GPC6: variants seen among roughly 807,000 people sequenced by gnomAD.
GPC6 encodes the protein glypican 6.
Under a neutral mutation model 55.2 loss-of-function variants are expected in GPC6, and 14 were observed. The observed-to-expected ratio is 0.25, with a 90% CI of 0.17 to 0.40. GPC6 has a LOEUF of 0.40. GPC6 is among the 10% of genes least tolerant of loss of function. GPC6 has a pLI of 1.00. For missense variants in GPC6, 641 were observed against 708.5 expected (o/e 0.90, Z 1.08); for synonymous variants, 278 against 259.6 (o/e 1.07, Z -0.68).
At chr13:93,271,106 T>C (rs1877508505) in intron 1 of GPC6, among the ~76,000 whole-genome samples, 1 of 152,140 alleles carries the variant, frequency 6.6e-6, no homozygotes, top group African/African-American at 2.4e-5. Context: ...TTCCTACTTC[T>C]AATAATCATT....
In GPC6 at chr13:94,004,975, T is replaced by TCAAG. The variant is rs200348521; in HGVS notation, c.712-22753_712-22752insAAGC. 1.4e-3 allele frequency among the ~76,000 whole-genome samples: 207 copies of TCAAG among 152,148 alleles called. 2 individuals carry two copies. Among genetic ancestry groups the TCAAG allele is most frequent in the African/African-American group, 4.9e-3 (205 of 41,496 alleles). On this transcript the variant is annotated intron_variant, in intron 3 of 8. Coordinates refer to ENST00000377047, the MANE Select transcript of GPC6 (RefSeq NM_005708.5). Reference sequence around the variant, plus strand: ...TACTTGGGAGGCTGAGGCAGGAGAATCGCTTAAACCCCAGGGGGAGGCGGA... The same window carrying TCAAG: ...TACTTGGGAGGCTGAGGCAGGAGAATCAAGCGCTTAAACCCCAGGGGGAGGCGGA...
At chr13:93,461,518 A>G (rs1594186298) in intron 1 of GPC6, among the ~76,000 whole-genome samples, 2 of 152,210 alleles carry the variant, frequency 1.3e-5, no homozygotes, top group South Asian at 4.1e-4. Context: ...GTTTCACTAT[A>G]TAAGTATAGC....
chr13:93,435,461 T>A (rs1216113773), intron 1 of GPC6, among the ~76,000 whole-genome samples: 1 of 129,940 alleles, frequency 7.7e-6, no homozygotes, highest in Non-Finnish European at 1.5e-5. Context: ...CTTTACCAAA[T>A]TTTTTTTTTT....
intron 6 of GPC6, among the ~76,000 whole-genome samples, chr13:94,351,962 C>CAAAAAAAA (rs60206836): frequency 1.8e-4 from 18 of 101,522 alleles, no homozygotes; most frequent in East Asian, 3.1e-4. Flanking sequence ...GAGAAGAAGG[C>CAAAAAAAA]AAAAAAAAAA....
chr13:94,267,744 T>G (rs186901370), intron 4 of GPC6, among the ~76,000 whole-genome samples: 87 of 152,300 alleles, frequency 5.7e-4, no homozygotes, highest in Non-Finnish European at 1.1e-3. Flanking sequence ...AGTGAGGCAA[T>G]TTTGTTATGT....
intron 5 of GPC6, among the ~76,000 whole-genome samples, chr13:94,304,383 G>A (rs1263817334): frequency 6.6e-6 from 1 of 152,200 alleles, no homozygotes; most frequent in Non-Finnish European, 1.5e-5. Flanking sequence ...GGAGCTCTCT[G>A]CGTACTTCAG....
At chr13:94,308,168 GA>G (rs1469105975) in intron 6 of GPC6, among the ~76,000 whole-genome samples, 1 of 152,188 alleles carries the variant, frequency 6.6e-6, no homozygotes, top group Non-Finnish European at 1.5e-5. Context: ...CTGAAACAGA[GA>G]AGCCGTTTTC....
chr13:94,380,907 C>T (rs2139205856), intron 6 of GPC6, among the ~76,000 whole-genome samples: 1 of 152,272 alleles, frequency 6.6e-6, no homozygotes, highest in South Asian at 2.1e-4. Context: ...TTATGATGGA[C>T]ATTTTTGATG....
Position 94,404,978 on chromosome 13 carries a change from A to C in GPC6, c.*1761A>C, listed in dbSNP as rs1881309090. On this transcript the variant is annotated 3_prime_UTR_variant, in exon 9 of 9. Coordinates refer to ENST00000377047, the MANE Select transcript of GPC6 (RefSeq NM_005708.5). ...GAAAAGTAATGTTTCAAGACACCAT[A>C]GTAGGCCAGTTACATTTTAATTAAC... 1 of 152,220 alleles carries C rather than the reference A, an allele frequency of 6.6e-6. No homozygotes were observed. The highest frequency in any genetic ancestry group is 2.4e-5 in the African/African-American group (1 of 41,454). 9.4% of individuals were successfully genotyped at this position (152,220 alleles called of 1,614,324 possible).
At chr13:94,306,195 A>G in intron 6 of GPC6, 72 bp downstream of exon 6, 1 of 1,551,666 alleles carries the variant, frequency 6.4e-7, no homozygotes, top group Non-Finnish European at 8.9e-7. Flanking sequence ...AACTCCCAGG[A>G]GATTCTGGAA....
chr13:94,015,015 G>A (rs767010533), intron 3 of GPC6, among the ~76,000 whole-genome samples: 8 of 152,098 alleles, frequency 5.3e-5, no homozygotes, highest in East Asian at 1.9e-4. Context: ...AAGTTTTTTG[G>A]GTGATGTATA....
intron 2 of GPC6, among the ~76,000 whole-genome samples, chr13:93,577,718 A>C (rs565228785): frequency 6.6e-6 from 1 of 152,076 alleles, no homozygotes; most frequent in African/African-American, 2.4e-5. Flanking sequence ...CTCTTGCCTA[A>C]TTGCTCTGGC....
At chr13:94,374,025 G>C (rs1879714913) in intron 6 of GPC6, among the ~76,000 whole-genome samples, 2 of 151,898 alleles carry the variant, frequency 1.3e-5, no homozygotes, top group Non-Finnish European at 2.9e-5. Flanking sequence ...GAGAGATTTT[G>C]TCACCACCAG....
chr13:93,613,657 C>T (rs1273102121), intron 2 of GPC6, among the ~76,000 whole-genome samples: 2 of 152,080 alleles, frequency 1.3e-5, no homozygotes, highest in Non-Finnish European at 2.9e-5. Context: ...ATGTTCATGG[C>T]TTTGTCATTG....
chr13:93,263,864 C>T (rs758312828), intron 1 of GPC6, among the ~76,000 whole-genome samples: 10 of 152,226 alleles, frequency 6.6e-5, no homozygotes, highest in Admixed American at 1.3e-4. Context: ...GAAAAAGTTA[C>T]AGGCACTGAG....
At chr13:93,725,585 A>AAAGATTTGGCAGT (rs1883606956) in intron 2 of GPC6, among the ~76,000 whole-genome samples, 1 of 152,066 alleles carries the variant, frequency 6.6e-6, no homozygotes, top group South Asian at 2.1e-4. Context: ...CATGCCCGGT[A>AAAGATTTGGCAGT]AAGATTTGGT....
intron 7 of GPC6, among the ~76,000 whole-genome samples, chr13:94,391,657 T>TA (rs1490369161): frequency 1.3e-5 from 2 of 152,226 alleles, no homozygotes; most frequent in Non-Finnish European, 2.9e-5. Context: ...ATACCAAACA[T>TA]AAAAACATGT....
chr13:93,634,820 A>T (rs1879626025), intron 2 of GPC6, among the ~76,000 whole-genome samples: 1 of 152,220 alleles, frequency 6.6e-6, no homozygotes, highest in East Asian at 1.9e-4. Context: ...TTATGTGGTC[A>T]GTCGCAGGCC....
intron 4 of GPC6, among the ~76,000 whole-genome samples, chr13:94,264,450 C>T (rs750117934): frequency 2.6e-5 from 4 of 152,318 alleles, no homozygotes; most frequent in Middle Eastern, 3.4e-3. Flanking sequence ...ATTTGCTATG[C>T]ACACAAGGAT....
Sources: allele counts gnomAD v4.1 joint callset (sites outside exome capture counted in the v4.1 genomes callset), GRCh38; gene constraint gnomAD v4.1.1; transcripts MANE v1.5; gene names NCBI Gene and HGNC (gene_info 2026-07-23, HGNC 2026-07-21).